Variants in WARS1 observed in about 807,000 individuals in gnomAD.
WARS1 encodes tryptophanyl-tRNA synthetase 1.
Under a neutral mutation model 47.8 loss-of-function variants are expected in WARS1, and 17 were observed. That is an observed-to-expected ratio of 0.36 (90% CI 0.24 to 0.53). The LOEUF (loss-of-function observed/expected upper bound fraction) is 0.53. WARS1 is among the 20% of genes least tolerant of loss of function. The pLI is 0.91. For missense variants in WARS1, 434 were observed against 608.0 expected (o/e 0.71, Z 3.01); for synonymous variants, 208 against 228.1 (o/e 0.91, Z 0.79).
At chr14:100,360,493 CGATTTTTTT>C in intron 4 of WARS1, 52 bp downstream of exon 4, 1 of 1,377,812 alleles carries the variant, frequency 7.3e-7, no homozygotes, top group Non-Finnish European at 1.0e-6. Flanking sequence ...GAGTGTCTTA[CGATTTTTTT>C]GAACTAAAAG....
Position 100,360,580 on chromosome 14 carries a change from C to A in WARS1, c.396G>T (p.Leu132=), listed in dbSNP as rs568328469. The part of the protein sequence containing the change: ...RATGQRPHHF[L]RRGIFFSHRD... ...TGTGTGAGAAGAAGATGCCTCTGCG[C>A]AGGAAGTGGTGTGGTCTTTGGCCGG... Residue 132 remains leucine (L), a synonymous_variant, in exon 4 of 11, where the codon CTG becomes CTT. Coordinates refer to ENST00000392882, the MANE Select transcript of WARS1 (RefSeq NM_004184.4). The A allele has an allele frequency of 2.5e-6, 4 of 1,613,684 alleles. No individual in the cohort carries two copies. Among genetic ancestry groups the A allele is most frequent in the Non-Finnish European group, 3.4e-6 (4 of 1,179,648 alleles).
chr14:100,346,490 C>T (rs538113129), intron 7 of WARS1, among the ~76,000 whole-genome samples: 4 of 152,262 alleles, frequency 2.6e-5, no homozygotes, highest in Admixed American at 2.6e-4. Context: ...AACCTTAAGA[C>T]GGGTGACAAG....
At chr14:100,356,396 T>C (rs61990704) in intron 4 of WARS1, among the ~76,000 whole-genome samples, 2 of 98,824 alleles carry the variant, frequency 2.0e-5, no homozygotes, top group Non-Finnish European at 4.4e-5. Context: ...TGTGTGTGTG[T>C]GTGGGGGGGG....
intron 2 of WARS1, among the ~76,000 whole-genome samples, chr14:100,362,690 T>C (rs978475060): frequency 3.3e-5 from 5 of 152,236 alleles, no homozygotes; most frequent in African/African-American, 1.2e-4. Context: ...TAAAGCTCTA[T>C]TCTGGTAATT....
intron 10 of WARS1, among the ~76,000 whole-genome samples, chr14:100,336,164 T>G (rs1893711981): frequency 6.6e-6 from 1 of 151,272 alleles, no homozygotes; most frequent in Non-Finnish European, 1.5e-5. Flanking sequence ...TAGTCCCAGC[T>G]ACTCGGGAGG....
At chr14:100,370,801 T>C (rs1440044539) in intron 1 of WARS1, among the ~76,000 whole-genome samples, 1 of 149,122 alleles carries the variant, frequency 6.7e-6, no homozygotes, top group Non-Finnish European at 1.5e-5. Context: ...AAAAATTAGC[T>C]GGGCATGGTG....
Position 100,371,447 on chromosome 14 carries a change from C to CAAAAAAAAA in WARS1, c.-73-2198_-73-2190dup, listed in dbSNP as rs60977618. On this transcript the variant is annotated intron_variant, in intron 1 of 10. Transcript: ENST00000392882. ...CCTGGGTGACAGAAAGGTTCTGTCTCAAAAAAAAAAAAAAAAAAAAGTAGG... is the reference window on the plus strand; with the variant it reads ...CCTGGGTGACAGAAAGGTTCTGTCTCAAAAAAAAAAAAAAAAAAAAAAAAAAAAAGTAGG... 4.4e-3 allele frequency among the ~76,000 whole-genome samples: 391 copies of CAAAAAAAAA among 89,036 alleles called. 32 individuals carry two copies. The highest frequency in any genetic ancestry group is 0.03 in the South Asian group (40 of 1,332). 58.4% of individuals were successfully genotyped at this position (89,036 alleles called of 152,430 possible). A position where few individuals can be genotyped will look rare whatever the true frequency, so the allele number is the denominator to read the frequency against.
Position 100,334,685 on chromosome 14 carries a change from G to T in WARS1, c.*190C>A. On this transcript the variant is annotated 3_prime_UTR_variant, in exon 11 of 11. Coordinates refer to ENST00000392882, the MANE Select transcript of WARS1 (RefSeq NM_004184.4). ...CAGCACCAATTACCCACAATGCTTT[G>T]CCCATAAGAGATAGAAATAATGGAA... The T allele has an allele frequency of 1.7e-6, 1 of 593,778 alleles. No individual in the cohort carries two copies. Among genetic ancestry groups the T allele is most frequent in the Non-Finnish European group, 2.8e-6 (1 of 353,440 alleles). The allele number at this position is 593,778 out of a possible 1,614,324, so 36.8% of individuals were successfully genotyped here.
At chr14:100,342,126 G>A (rs1894202116) in intron 9 of WARS1, 11 of 440,732 alleles carry the variant, frequency 2.5e-5, no homozygotes, top group South Asian at 2.0e-4. Context: ...GCAGAACAGT[G>A]CTGATAAGAA....
chr14:100,342,104 A>G (rs1894199348), intron 9 of WARS1: 3 of 391,190 alleles, frequency 7.7e-6, no homozygotes, highest in South Asian at 6.9e-5. Flanking sequence ...GGAAATTGCC[A>G]TGACTTTGCC....
chr14:100,369,327 C>T, intron 1 of WARS1, 69 bp from the exon 2 acceptor site: 2 of 472,854 alleles, frequency 4.2e-6, no homozygotes, highest in Non-Finnish European at 6.7e-6. Context: ...GCTGTTTTTC[C>T]TTTCCTGTAT....
chr14:100,348,070 T>C lies in WARS1; in HGVS notation c.726-1224A>G, dbSNP rs147426913. 6.2e-3 allele frequency among the ~76,000 whole-genome samples: 943 copies of C among 152,298 alleles called. 6 individuals carry two copies. The highest frequency in any genetic ancestry group is 0.01 in the Middle Eastern group (3 of 294). The stretch of plus-strand genomic sequence containing the variant: ...TAAAATCCCCTTCAAAGTAGTAGCA[T>C]TGCCTCCACCTTACAGTTAGACTAG... On this transcript the variant is annotated intron_variant, in intron 6 of 10. Coordinates refer to ENST00000392882, the MANE Select transcript of WARS1 (RefSeq NM_004184.4).
At chr14:100,375,728 T>C (rs1015478690), upstream of WARS1, 1 of 152,054 alleles carries the variant, frequency 6.6e-6, no homozygotes, top group East Asian at 1.9e-4. Context: ...AAAGAGAAAC[T>C]GTAAATTCCC....
At chr14:100,356,398 T>TGGGG (rs57891102) in intron 4 of WARS1, among the ~76,000 whole-genome samples, 2 of 106,276 alleles carry the variant, frequency 1.9e-5, no homozygotes, top group African/African-American at 3.3e-5. Context: ...TGTGTGTGTG[T>TGGGG]GGGGGGGGGT....
At chr14:100,352,653 G>A (rs557480347) in intron 6 of WARS1, among the ~76,000 whole-genome samples, 24 of 152,284 alleles carry the variant, frequency 1.6e-4, no homozygotes, top group Admixed American at 7.2e-4. Flanking sequence ...GGAGTAACAC[G>A]TCTTTGGGGA....
At position 100,342,453 on chromosome 14, in the gene WARS1, C is replaced by G. The variant is rs779540514; in HGVS notation, c.1058G>C (p.Ser353Thr). The G allele has an allele frequency of 1.6e-5, 26 of 1,613,984 alleles. No homozygotes were observed. In the African/African-American group the frequency reaches 3.2e-4, roughly 20 times the overall value. ...LQGAQTKMSASDPNSSIFLTD... is the reference protein window; with the variant it reads ...LQGAQTKMSATDPNSSIFLTD... ...GAGGAAGATGGAGGAGTTGGGGTCG[C>G]TGGCACTCATTTTGGTCTGGGCGCC... The change falls in exon 9 of 11, where the codon AGC becomes ACC. Residue 353 changes from serine (S) to threonine (T), a missense_variant. Physicochemically the swap from Ser to Thr is moderately conservative, Grantham distance 58 (BLOSUM62 1). Transcript: ENST00000392882.
At position 100,346,846 on chromosome 14, in the gene WARS1, C is replaced by A. The variant is rs1251390491; in HGVS notation, c.726G>T (p.Gly242=). Residue 242 remains glycine, a splice_region_variant and synonymous_variant, in exon 7 of 11, where the codon GGG becomes GGT. Coordinates refer to ENST00000392882, the MANE Select transcript of WARS1 (RefSeq NM_004184.4). ...TFIFSDLDYM[G]MSSGFYKNVV... ...CATTTTTGTAGAAACCTGAGCTCAT[C>A]CTGCAAAGACAACGAGAATGAAATC... The A allele has an allele frequency of 6.2e-7, 1 of 1,611,636 alleles. No individual in the cohort carries two copies. The highest frequency in any genetic ancestry group is 1.7e-5 in the Admixed American group (1 of 59,990).
At chr14:100,339,589 T>TTA (rs1894015645) in intron 9 of WARS1, among the ~76,000 whole-genome samples, 1 of 8,658 alleles carries the variant, frequency 1.2e-4, no homozygotes, top group African/African-American at 2.0e-4. Flanking sequence ...AGACTCCGTC[T>TTA]CAAAAAAAAA....
intron 2 of WARS1, chr14:100,365,909 C>T (rs528303620): frequency 5.2e-5 from 22 of 421,090 alleles, no homozygotes; most frequent in Admixed American, 2.5e-4. Flanking sequence ...TACACTGTTA[C>T]GGAATCACCC....
Sources: allele counts gnomAD v4.1 joint callset (sites outside exome capture counted in the v4.1 genomes callset), GRCh38; gene constraint gnomAD v4.1.1; transcripts MANE v1.5; gene names NCBI Gene and HGNC (gene_info 2026-07-23, HGNC 2026-07-21).